COX7A2L: variants seen among roughly 807,000 people sequenced by gnomAD.
COX7A2L encodes cytochrome c oxidase subunit 7A2 like.
Under a neutral mutation model 14.2 loss-of-function variants are expected in COX7A2L, and 18 were observed. That is an observed-to-expected ratio of 1.27 (90% CI 0.88 to 1.88). The LOEUF is 1.88. Among genes scored for constraint, COX7A2L ranks in the 40% most tolerant of loss-of-function variants. The probability of loss-of-function intolerance (pLI) is 0.00; values close to 1 mark genes in which losing one functional copy is unlikely to be tolerated. For synonymous variants in COX7A2L, 65 were observed against 57.4 expected (o/e 1.13, Z -0.60); for missense variants, 179 against 138.8 (o/e 1.29, Z -1.46).
intron 1 of COX7A2L, among the ~76,000 whole-genome samples, chr2:42,367,318 C>T (rs1015094696): frequency 3.3e-5 from 5 of 152,164 alleles, no homozygotes; most frequent in Admixed American, 1.3e-4. Flanking sequence ...TGTTCTAAAT[C>T]AGAGGATTAG....
intron 2 of COX7A2L, among the ~76,000 whole-genome samples, chr2:42,337,031 C>G (rs969604403): frequency 6.6e-6 from 1 of 152,192 alleles, no homozygotes; most frequent in Non-Finnish European, 1.5e-5. Context: ...AGAGCAAAGT[C>G]AGGTTCCCTC....
rs191221809 is a variant in COX7A2L at position 42,342,068 on chromosome 2, G to C, written c.193-8199C>G. Among the ~76,000 whole-genome samples, 308 of 152,292 alleles carry C rather than the reference G, an allele frequency of 2.0e-3. 2 individuals are homozygous for C. The highest frequency in any genetic ancestry group is 6.6e-3 in the African/African-American group (276 of 41,562). On this transcript the variant is annotated intron_variant, in intron 2 of 2. Transcript: ENST00000468711. The surrounding 1 kb of genome is among the most constrained non-coding windows in gnomAD (Gnocchi z 4.9). ...CCCTCCCAGGTATGAACTGATTCTA[G>C]AGCATCTGACCTTCCCCACCCTCTC... is the stretch of plus-strand genomic sequence containing the variant.
At chr2:42,357,989 C>T (rs1558634897) in intron 1 of COX7A2L, among the ~76,000 whole-genome samples, 1 of 152,206 alleles carries the variant, frequency 6.6e-6, no homozygotes. Flanking sequence ...ACCTAGAATA[C>T]CATTCTGCCA....
Position 42,342,222 on chromosome 2 carries a change from G to A in COX7A2L, c.193-8353C>T, listed in dbSNP as rs1670415904. 6.6e-6 allele frequency among the ~76,000 whole-genome samples: 1 copy of A among 152,124 alleles called. No individual in the cohort carries two copies. Among genetic ancestry groups the A allele is most frequent in the African/African-American group, 2.4e-5 (1 of 41,428 alleles). On this transcript the variant is annotated intron_variant, in intron 2 of 2. Coordinates refer to the COX7A2L transcript ENST00000468711. The surrounding 1 kb of genome is among the most constrained non-coding windows in gnomAD (Gnocchi z 4.9). Reference sequence around the variant, plus strand: ...ACTGAAGCCTAAGCCTGGTACAGCTGGAACCCTGAAGGGGGCCCTGGACCA... The same window carrying A: ...ACTGAAGCCTAAGCCTGGTACAGCTAGAACCCTGAAGGGGGCCCTGGACCA...
chr2:42,363,800 T>C (rs775521349), upstream of COX7A2L, among the ~76,000 whole-genome samples: 2 of 152,326 alleles, frequency 1.3e-5, no homozygotes, highest in South Asian at 4.1e-4. Flanking sequence ...TGAAGGGAAG[T>C]GACCACGACT....
chr2:42,355,136 G>A (rs1223384329), intron 1 of COX7A2L, among the ~76,000 whole-genome samples: 2 of 152,200 alleles, frequency 1.3e-5, no homozygotes, highest in African/African-American at 4.8e-5. Flanking sequence ...CCCATTTAAA[G>A]AGAAAGTTTG....
At chr2:42,348,316 GCC>G (rs1414742898), downstream of COX7A2L, among the ~76,000 whole-genome samples, 1 of 152,130 alleles carries the variant, frequency 6.6e-6, no homozygotes, top group East Asian at 1.9e-4. Context: ...CTCAAATATC[GCC>G]CCTCAGGCTA....
chr2:42,365,665 C>T (rs1240872890), upstream of COX7A2L: 1 of 151,992 alleles, frequency 6.6e-6, no homozygotes, highest in Non-Finnish European at 1.5e-5. Flanking sequence ...ACAAAGTCCA[C>T]CAAAAACATA....
At chr2:42,357,898 TC>T (rs1232821907) in intron 1 of COX7A2L, among the ~76,000 whole-genome samples, 3 of 152,128 alleles carry the variant, frequency 2.0e-5, no homozygotes, top group Non-Finnish European at 2.9e-5. Flanking sequence ...ATGATTTACC[TC>T]CATCCTCCAC....
chr2:42,336,878 T>C (rs1328710577), intron 2 of COX7A2L, among the ~76,000 whole-genome samples: 5 of 152,106 alleles, frequency 3.3e-5, no homozygotes, highest in Non-Finnish European at 7.4e-5. Flanking sequence ...TCATCAGATA[T>C]ATATTAAGAA....
In COX7A2L at chr2:42,361,213, G is replaced by C. The variant is rs1223485835; in HGVS notation, c.-52C>G. 19 of 1,520,592 alleles carry C rather than the reference G, an allele frequency of 1.2e-5. No individual in the cohort carries two copies. Among genetic ancestry groups the C allele is most frequent in the Non-Finnish European group, 1.7e-5 (19 of 1,117,336 alleles). 94.2% of individuals were successfully genotyped at this position (1,520,592 alleles called of 1,614,324 possible). A position where few individuals can be genotyped will look rare whatever the true frequency, so the allele number is the denominator to read the frequency against. On this transcript the variant is annotated 5_prime_UTR_variant, in exon 1 of 3. Transcript: ENST00000234301. ...CCGCTGCCAACGCGACCGCCCCAGA[G>C]AAGGACCCCGCCTCCCCGGCTGTGG...
Position 42,338,550 on chromosome 2 carries a change from G to A in COX7A2L, c.193-4681C>T, listed in dbSNP as rs1670333627. On this transcript the variant is annotated intron_variant, in intron 2 of 2. Coordinates refer to the COX7A2L transcript ENST00000468711. The surrounding 1 kb of genome is among the most constrained non-coding windows in gnomAD (Gnocchi z 4.4). ...ATTAGCAGAAACGTTTGCCAGGCTT[G>A]GACATTTCCATGGAGAAGATGATTA... Among the ~76,000 whole-genome samples, 1 of 152,150 alleles carries A rather than the reference G, an allele frequency of 6.6e-6. No homozygotes were observed.
At chr2:42,357,053 C>A (rs1670843429) in intron 1 of COX7A2L, among the ~76,000 whole-genome samples, 2 of 152,194 alleles carry the variant, frequency 1.3e-5, no homozygotes, top group Non-Finnish European at 1.5e-5. Flanking sequence ...ACCTTAACCA[C>A]GTTTAGTAAT....
chr2:42,353,053 A>G, intron 2 of COX7A2L, 159 bp downstream of exon 2: 1 of 833,542 alleles, frequency 1.2e-6, no homozygotes, highest in Non-Finnish European at 1.8e-6. Flanking sequence ...ACCTATATAA[A>G]GTTCTATTCG....
chr2:42,338,195 C>T lies in COX7A2L; in HGVS notation c.193-4326G>A, dbSNP rs966099255. Among the ~76,000 whole-genome samples, 1 of 152,202 alleles carries T rather than the reference C, an allele frequency of 6.6e-6. No individual in the cohort carries two copies. Among genetic ancestry groups the T allele is most frequent in the African/African-American group, 2.4e-5 (1 of 41,448 alleles). ...GCAGAGACAGCCGTTCCGTGTTTCT[C>T]CCCCAGCCGCAGCGGCCAGGGAGCC... On this transcript the variant is annotated intron_variant, in intron 2 of 2. Coordinates refer to the COX7A2L transcript ENST00000468711. This position sits in a 1 kb window ranked among gnomAD's most constrained non-coding sequence, Gnocchi z 4.4.
chr2:42,341,723 C>G (rs1670407116), intron 2 of COX7A2L, among the ~76,000 whole-genome samples: 2 of 152,208 alleles, frequency 1.3e-5, no homozygotes, highest in Non-Finnish European at 2.9e-5. Flanking sequence ...TGTAACTCAA[C>G]TTTAATTAGA....
At position 42,355,216 on chromosome 2, in the gene COX7A2L, G is replaced by A. The variant is rs79577917; in HGVS notation, c.73-1873C>T. On this transcript the variant is annotated intron_variant, in intron 1 of 2. Transcript: ENST00000234301. Reference sequence around the variant, plus strand: ...AACAGAGACTCAGAGGAGTCAGAGAGGCAAACAGGGGCTCTACTATCAAGA... The same window carrying A: ...AACAGAGACTCAGAGGAGTCAGAGAAGCAAACAGGGGCTCTACTATCAAGA... Among the ~76,000 whole-genome samples the A allele has an allele frequency of 4.3e-3, 661 of 152,304 alleles. 5 individuals are homozygous for A. The highest frequency in any genetic ancestry group is 4.6e-3 in the Non-Finnish European group (312 of 68,018).
Position 42,342,516 on chromosome 2 carries a change from A to G in COX7A2L, c.193-8647T>C, listed in dbSNP as rs1452840908. Among the ~76,000 whole-genome samples, 1 of 152,000 alleles carries G rather than the reference A, an allele frequency of 6.6e-6. No individual in the cohort carries two copies. The highest frequency in any genetic ancestry group is 1.9e-4 in the East Asian group (1 of 5,166). On this transcript the variant is annotated intron_variant, in intron 2 of 2. Coordinates refer to the COX7A2L transcript ENST00000468711. The surrounding 1 kb of genome is among the most constrained non-coding windows in gnomAD (Gnocchi z 4.9). ...CAGCCCTTCCAAGGCTTCTTCCTAAAACCTTCTCTGCCAAAGGGGAGGCAA... is the reference window on the plus strand; with the variant it reads ...CAGCCCTTCCAAGGCTTCTTCCTAAGACCTTCTCTGCCAAAGGGGAGGCAA...
intron 1 of COX7A2L, among the ~76,000 whole-genome samples, 167 bp from the exon 2 acceptor site, chr2:42,353,510 A>T (rs753065692): frequency 4.6e-5 from 7 of 152,184 alleles, no homozygotes; most frequent in African/African-American, 7.2e-5. Context: ...GGGGCGTGTG[A>T]GGGTCAGGGG....
Sources: gnomAD v4.1 joint callset for allele counts (sites outside exome capture counted in the v4.1 genomes callset) on GRCh38, gnomAD v4.1.1 for gene constraint, Gnocchi (gnomAD v3.1) non-coding constraint, MANE v1.5 for transcripts, NCBI Gene and HGNC (gene_info 2026-07-23, HGNC 2026-07-21) for gene names.